CRISPLD1: variants seen among roughly 807,000 people sequenced by gnomAD.
CRISPLD1 encodes cysteine rich secretory protein LCCL domain containing 1, also known as cysteine-rich secretory protein LCCL domain-containing 1.
Under a neutral mutation model 77.5 loss-of-function variants are expected in CRISPLD1, and 60 were observed. That is an observed-to-expected ratio of 0.77 (90% CI 0.63 to 0.96). The LOEUF is 0.96. CRISPLD1 is among the 40% of genes least tolerant of loss of function. The probability of loss-of-function intolerance (pLI) is 0.00; values close to 1 mark genes in which losing one functional copy is unlikely to be tolerated. For synonymous variants in CRISPLD1, 195 were observed against 200.1 expected (o/e 0.97, Z 0.22); for missense variants, 623 against 615.8 (o/e 1.01, Z -0.12).
In CRISPLD1 at chr8:74,986,019, T is replaced by C; in HGVS notation, c.32T>C (p.Val11Ala). The C allele has an allele frequency of 6.2e-7, 1 of 1,614,082 alleles. No homozygotes were observed. Among genetic ancestry groups the C allele is most frequent in the Non-Finnish European group, 8.5e-7 (1 of 1,180,004 alleles). The change falls in exon 2 of 15, where the codon GTA becomes GCA. Residue 11 changes from valine (V) to alanine (A), a missense_variant. Val to Ala is a moderately conservative substitution (Grantham distance 64). Coordinates refer to ENST00000262207, the MANE Select transcript of CRISPLD1 (RefSeq NM_031461.6). The part of the protein sequence containing the change: MKCTAREWLR[V>A]TTVLFMARAI... ...TGTACCGCGCGGGAGTGGCTCAGAG[T>C]AACCACAGTGCTGTTCATGGCTAGA...
intron 10 of CRISPLD1, among the ~76,000 whole-genome samples, 167 bp downstream of exon 10, chr8:75,017,617 T>C (rs949188796): frequency 6.6e-6 from 1 of 152,188 alleles, no homozygotes; most frequent in Non-Finnish European, 1.5e-5. Flanking sequence ...AGATAACGCA[T>C]TTAAGGTCAA....
intron 2 of CRISPLD1, among the ~76,000 whole-genome samples, chr8:75,008,746 A>C (rs1035318765): frequency 1.3e-5 from 2 of 152,202 alleles, no homozygotes; most frequent in African/African-American, 4.8e-5. Flanking sequence ...TGGATTAAAT[A>C]AAATCATAAG....
intron 12 of CRISPLD1, among the ~76,000 whole-genome samples, chr8:75,023,280 T>TA (rs1489239588): frequency 6.6e-6 from 1 of 152,156 alleles, no homozygotes; most frequent in Non-Finnish European, 1.5e-5. Flanking sequence ...ATGGGCAAGA[T>TA]AAAGTTTGCA....
intron 14 of CRISPLD1, among the ~76,000 whole-genome samples, chr8:75,031,779 A>G (rs1162257324): frequency 6.6e-6 from 1 of 152,062 alleles, no homozygotes; most frequent in Non-Finnish European, 1.5e-5. Context: ...TTGCCTAAGT[A>G]TCAGCTATCT....
At chr8:75,002,521 C>G (rs1034796665) in intron 2 of CRISPLD1, among the ~76,000 whole-genome samples, 1 of 151,436 alleles carries the variant, frequency 6.6e-6, no homozygotes, top group African/African-American at 2.4e-5. Flanking sequence ...GATGAAGGGC[C>G]TATATGCAGA....
At chr8:74,993,964 A>G (rs1401972080) in intron 2 of CRISPLD1, among the ~76,000 whole-genome samples, 1 of 152,202 alleles carries the variant, frequency 6.6e-6, no homozygotes, top group Non-Finnish European at 1.5e-5. Context: ...GAGGTTACAG[A>G]TTTAACTGGG....
intron 10 of CRISPLD1, 52 bp downstream of exon 10, chr8:75,017,502 A>C (rs368953488): frequency 6.1e-6 from 9 of 1,474,126 alleles, no homozygotes; most frequent in Non-Finnish European, 8.2e-6. Flanking sequence ...TGTAACAGTG[A>C]GCTAACACAT....
chr8:74,992,542 G>C (rs962249435), intron 2 of CRISPLD1, among the ~76,000 whole-genome samples: 1 of 152,140 alleles, frequency 6.6e-6, no homozygotes, highest in African/African-American at 2.4e-5. Context: ...CAGCAACCAG[G>C]GAGGGCACCT....
At chr8:75,012,784 A>C (rs1587017361) in intron 3 of CRISPLD1, 106 bp from the exon 4 acceptor site, 1 of 1,297,642 alleles carries the variant, frequency 7.7e-7, no homozygotes, top group East Asian at 2.4e-5. Flanking sequence ...TTAATAGTTT[A>C]CGCCAAAGTG....
intron 13 of CRISPLD1, 60 bp downstream of exon 13, chr8:75,025,681 C>T: frequency 2.3e-6 from 2 of 881,632 alleles, no homozygotes; most frequent in Non-Finnish European, 3.7e-6. Context: ...TGTATAGACA[C>T]ATTTAAATGT....
At chr8:74,999,626 T>C (rs183499905) in intron 2 of CRISPLD1, among the ~76,000 whole-genome samples, 341 of 152,284 alleles carry the variant, frequency 2.2e-3, no homozygotes, top group African/African-American at 7.6e-3. Flanking sequence ...TTAGCCTTCC[T>C]GGAGGAAGTG....
rs1343273526 is a variant in CRISPLD1 at position 75,002,716 on chromosome 8, G to A, written c.259-9717G>A. 2.6e-5 allele frequency among the ~76,000 whole-genome samples: 4 copies of A among 152,066 alleles called. No homozygotes were observed. The East Asian group carries it at 5.8e-4, about 22-fold the overall frequency. On this transcript the variant is annotated intron_variant, in intron 2 of 14. Coordinates refer to ENST00000262207, the MANE Select transcript of CRISPLD1 (RefSeq NM_031461.6). ...GTTCTGAAATTCACCTCCCACCCTC[G>A]GAATTCCTGTTTGTGTGTTTCCTTG...
intron 12 of CRISPLD1, 58 bp from the exon 13 acceptor site, chr8:75,025,488 A>G: frequency 5.9e-6 from 4 of 675,646 alleles, no homozygotes; most frequent in Non-Finnish European, 8.8e-6. Flanking sequence ...TTTTACTAAT[A>G]AGAAAGACTT....
At chr8:74,987,941 T>C (rs1267917313) in intron 2 of CRISPLD1, among the ~76,000 whole-genome samples, 2 of 152,232 alleles carry the variant, frequency 1.3e-5, no homozygotes, top group South Asian at 2.1e-4. Flanking sequence ...GCCTATTGTA[T>C]GATGTCTGGT....
chr8:75,014,923 T>C lies in CRISPLD1; in HGVS notation c.727+11T>C, dbSNP rs1813002114. ...ATCTGTGCTACAAAGGTAAGTGCTA[T>C]TGTGTTGTGGTATTCATGTTGATTT... On this transcript the variant is annotated intron_variant, in intron 6 of 14. Coordinates refer to ENST00000262207, the MANE Select transcript of CRISPLD1 (RefSeq NM_031461.6). 1 of 1,532,106 alleles carries C rather than the reference T, an allele frequency of 6.5e-7. No individual in the cohort carries two copies. Among genetic ancestry groups the C allele is most frequent in the Non-Finnish European group, 8.8e-7 (1 of 1,138,934 alleles). 94.9% of individuals were successfully genotyped at this position (1,532,106 alleles called of 1,614,324 possible).
chr8:75,006,997 T>C (rs898051030), intron 2 of CRISPLD1, among the ~76,000 whole-genome samples: 5 of 152,202 alleles, frequency 3.3e-5, no homozygotes, highest in Non-Finnish European at 7.3e-5. Flanking sequence ...TAATGTTTGA[T>C]ATTTATTTGA....
intron 2 of CRISPLD1, among the ~76,000 whole-genome samples, chr8:75,011,767 A>G (rs1312122887): frequency 6.6e-6 from 1 of 152,124 alleles, no homozygotes; most frequent in African/African-American, 2.4e-5. Context: ...TTTATTAATC[A>G]CCTTGTCCAG....
chr8:75,015,763 A>G (rs79812847), intron 6 of CRISPLD1, among the ~76,000 whole-genome samples: 16,018 of 152,104 alleles, frequency 0.11, 915 homozygotes, highest in South Asian at 0.13. Context: ...GCCATTTTAA[A>G]ATTCCTAGAA....
rs570117904 is a variant in CRISPLD1, at chr8:75,023,716, T to C, written c.1245-1830T>C. On this transcript the variant is annotated intron_variant, in intron 12 of 14. Coordinates refer to ENST00000262207, the MANE Select transcript of CRISPLD1 (RefSeq NM_031461.6). ...TCCACTAATGATTATCATGTAGTTATGTTAACAGTCTCATTTACTACTTAA... is the reference window on the plus strand; with the variant it reads ...TCCACTAATGATTATCATGTAGTTACGTTAACAGTCTCATTTACTACTTAA... 9.9e-5 allele frequency among the ~76,000 whole-genome samples: 15 copies of C among 152,260 alleles called. No homozygotes were observed. The South Asian group carries it at 2.9e-3, about 29-fold the overall frequency.
Sources: gnomAD v4.1 joint callset for allele counts (sites outside exome capture counted in the v4.1 genomes callset) on GRCh38, gnomAD v4.1.1 for gene constraint, MANE v1.5 for transcripts, NCBI Gene and HGNC (gene_info 2026-07-23, HGNC 2026-07-21) for gene names.